Variants in SPAG16 observed in about 807,000 individuals in gnomAD.
The protein encoded by SPAG16 is sperm associated antigen 16.
A neutral mutation model predicts 80.4 loss-of-function variants in SPAG16; 86 were observed. That is an observed-to-expected ratio of 1.07 (90% confidence interval 0.90 to 1.28). The LOEUF is 1.28. SPAG16 is among the 50% of genes most tolerant of loss of function. The probability of loss-of-function intolerance (pLI) is 0.00; values close to 1 mark genes in which losing one functional copy is unlikely to be tolerated. For missense variants in SPAG16, 870 were observed against 765.3 expected (o/e 1.14, Z -1.61); for synonymous variants, 294 against 265.9 (o/e 1.11, Z -1.03).
At chr2:213,372,016 T>A (rs2066667213) in intron 8 of SPAG16, among the ~76,000 whole-genome samples, 1 of 152,164 alleles carries the variant, frequency 6.6e-6, no homozygotes, top group Non-Finnish European at 1.5e-5. Context: ...AGTAGATATT[T>A]AAACTGAAAA....
At chr2:214,348,136 T>A (rs1026726601) in intron 15 of SPAG16, among the ~76,000 whole-genome samples, 5 of 152,202 alleles carry the variant, frequency 3.3e-5, no homozygotes, top group Admixed American at 3.3e-4. Flanking sequence ...GGAGGGCAGA[T>A]AACTTGTCTG....
chr2:213,414,488 T>A (rs1433521275), intron 9 of SPAG16, among the ~76,000 whole-genome samples: 5 of 152,212 alleles, frequency 3.3e-5, no homozygotes, highest in African/African-American at 1.2e-4. Context: ...TCAATTTGTT[T>A]ATTCTTATTT....
At chr2:213,640,692 T>C (rs2062552902) in intron 10 of SPAG16, among the ~76,000 whole-genome samples, 1 of 152,190 alleles carries the variant, frequency 6.6e-6, no homozygotes, top group Non-Finnish European at 1.5e-5. Flanking sequence ...TTGGTTGTAG[T>C]TGTTTAGTCC....
At chr2:213,298,627 T>C (rs2062603608) in intron 3 of SPAG16, among the ~76,000 whole-genome samples, 1 of 152,238 alleles carries the variant, frequency 6.6e-6, no homozygotes, top group Admixed American at 6.5e-5. Context: ...TTCCTTCTGC[T>C]ATCATGGTCG....
chr2:214,070,817 A>C (rs2050752790), intron 13 of SPAG16, among the ~76,000 whole-genome samples: 1 of 152,016 alleles, frequency 6.6e-6, no homozygotes, highest in South Asian at 2.1e-4. Flanking sequence ...AGATTTCTGC[A>C]TATATATAGT....
intron 6 of SPAG16, among the ~76,000 whole-genome samples, chr2:213,342,350 G>A (rs376126757): frequency 0.029 from 1,280 of 44,204 alleles, 22 homozygotes; most frequent in African/African-American, 0.07. Flanking sequence ...TTACATATAT[G>A]TATATATATA....
intron 10 of SPAG16, among the ~76,000 whole-genome samples, chr2:213,783,395 G>C (rs1168589338): frequency 1.3e-5 from 2 of 148,860 alleles, no homozygotes; most frequent in African/African-American, 2.5e-5. Context: ...TATACCATGA[G>C]TTATACAGTC....
At chr2:213,665,570 T>G (rs1251897851) in intron 10 of SPAG16, among the ~76,000 whole-genome samples, 1 of 152,148 alleles carries the variant, frequency 6.6e-6, no homozygotes, top group Non-Finnish European at 1.5e-5. Flanking sequence ...AGTCATGTTC[T>G]ATAAAGTGAA....
intron 10 of SPAG16, among the ~76,000 whole-genome samples, chr2:213,791,437 G>A (rs2125608944): frequency 6.6e-6 from 1 of 151,990 alleles, no homozygotes; most frequent in South Asian, 2.1e-4. Flanking sequence ...GGAATAAAAT[G>A]GTACATCAGA....
intron 15 of SPAG16, among the ~76,000 whole-genome samples, chr2:214,383,526 G>A (rs1376006343): frequency 2.1e-5 from 3 of 146,102 alleles, no homozygotes; most frequent in Non-Finnish European, 3.0e-5. Flanking sequence ...AGCCAAGATC[G>A]CACCACTGCA....
intron 15 of SPAG16, among the ~76,000 whole-genome samples, chr2:214,168,601 GT>G (rs1290931907): frequency 1.3e-5 from 2 of 152,028 alleles, no homozygotes; most frequent in Non-Finnish European, 2.9e-5. Context: ...TAGATAAGAT[GT>G]GCAGGAAAGG....
chr2:213,953,617 AAG>A (rs1232447423), intron 12 of SPAG16, among the ~76,000 whole-genome samples: 13 of 152,054 alleles, frequency 8.5e-5, no homozygotes, highest in Non-Finnish European at 1.5e-4. Flanking sequence ...AAAAATTAAA[AAG>A]AAAAAAATTT....
chr2:214,354,603 T>C (rs1255491485), intron 15 of SPAG16, among the ~76,000 whole-genome samples: 1 of 152,272 alleles, frequency 6.6e-6, no homozygotes, highest in East Asian at 1.9e-4. Context: ...ATGGCCATTT[T>C]CACGATATTG....
intron 7 of SPAG16, among the ~76,000 whole-genome samples, chr2:213,355,617 T>C (rs2065596247): frequency 6.6e-6 from 1 of 152,236 alleles, no homozygotes; most frequent in African/African-American, 2.4e-5. Context: ...TTTTATTCTC[T>C]TTGAAGCAAT....
intron 12 of SPAG16, among the ~76,000 whole-genome samples, chr2:214,004,214 C>A (rs2046924897): frequency 6.6e-6 from 1 of 152,162 alleles, no homozygotes. Context: ...TAATATACTG[C>A]TGCAGAAGGG....
intron 10 of SPAG16, among the ~76,000 whole-genome samples, chr2:213,540,094 GC>G (rs2076387870): frequency 2.7e-5 from 4 of 147,126 alleles, no homozygotes; most frequent in Middle Eastern, 3.8e-3. Context: ...GAGTGCAGTG[GC>G]CCGATCTTGG....
intron 10 of SPAG16, among the ~76,000 whole-genome samples, chr2:213,684,226 C>T (rs987159397): frequency 6.6e-6 from 1 of 152,166 alleles, no homozygotes; most frequent in Non-Finnish European, 1.5e-5. Context: ...ATTTCTCTCA[C>T]AAAAAACGTG....
intron 14 of SPAG16, among the ~76,000 whole-genome samples, chr2:214,118,654 G>C (rs1047476738): frequency 8.6e-5 from 13 of 152,040 alleles, no homozygotes; most frequent in African/African-American, 2.9e-4. Flanking sequence ...AATAGCATGA[G>C]GGTAACCGCC....
intron 14 of SPAG16, among the ~76,000 whole-genome samples, chr2:214,119,092 T>G (rs1204805752): frequency 1.3e-5 from 2 of 152,142 alleles, no homozygotes; most frequent in African/African-American, 2.4e-5. Context: ...TCCATAAATA[T>G]GTAGTTACAT....
Sources: allele counts gnomAD v4.1 joint callset (sites outside exome capture counted in the v4.1 genomes callset), GRCh38; gene constraint gnomAD v4.1.1; transcripts MANE v1.5; gene names NCBI Gene and HGNC (gene_info 2026-07-23, HGNC 2026-07-21).